Variants in DNAJC10 observed in about 807,000 individuals in gnomAD.
The protein encoded by DNAJC10 is DnaJ heat shock protein family (Hsp40) member C10, also known as endoplasmic reticulum disulfide reductase DNAJC10.
DNAJC10 carries 101 observed loss-of-function variants against 115.0 expected under a neutral mutation model. The ratio of observed to expected loss-of-function variants is 0.88; its 90% CI spans 0.75 to 1.04. The LOEUF is 1.04. DNAJC10 is among the 50% of genes least tolerant of loss of function. DNAJC10 has a pLI of 0.00. For missense variants in DNAJC10, 981 were observed against 928.8 expected (o/e 1.06, Z -0.73); for synonymous variants, 307 against 301.5 (o/e 1.02, Z -0.19).
At position 182,740,290 on chromosome 2, in the gene DNAJC10, T is replaced by C; in HGVS notation, c.988-9T>C. 4.3e-6 allele frequency: 6 copies of C among 1,398,510 alleles called. No individual in the cohort carries two copies. Among genetic ancestry groups the C allele is most frequent in the Non-Finnish European group, 5.8e-6 (6 of 1,036,538 alleles). 86.6% of individuals were successfully genotyped at this position (1,398,510 alleles called of 1,614,324 possible). A position where few individuals can be genotyped will look rare whatever the true frequency, so the allele number is the denominator to read the frequency against. On this transcript the variant is annotated splice_polypyrimidine_tract_variant and intron_variant, in intron 11 of 23. Transcript: ENST00000264065. The stretch of plus-strand genomic sequence containing the variant: ...TCAAAAAGATTACAATGTGATTTTC[T>C]TTTTCTAGTTTCTCAACTCATTGGA...
rs923553314 is a variant in DNAJC10, at chr2:182,732,878, A to C, written c.849+336A>C. 1.8e-5 allele frequency: 5 copies of C among 270,672 alleles called. No individual in the cohort carries two copies. The South Asian group carries it at 2.9e-4, about 16-fold the overall frequency. The allele number at this position is 270,672 out of a possible 1,614,324, so 16.8% of individuals were successfully genotyped here. A position where few individuals can be genotyped will look rare whatever the true frequency, so the allele number is the denominator to read the frequency against. ...TTTTTAGTCATTTTTAAATGTATAT[A>C]GCTCTCATGTTATGGCTGGGAAGTA... On this transcript the variant is annotated intron_variant, in intron 10 of 23. Coordinates refer to ENST00000264065, the MANE Select transcript of DNAJC10 (RefSeq NM_018981.4).
At chr2:182,738,298 A>G (rs1181308754) in intron 11 of DNAJC10, among the ~76,000 whole-genome samples, 2 of 152,180 alleles carry the variant, frequency 1.3e-5, no homozygotes, top group African/African-American at 4.8e-5. Context: ...TGGTATTGCC[A>G]GATTGCCCTC....
chr2:182,751,927 A>G (rs1694031376), intron 15 of DNAJC10, 142 bp downstream of exon 15: 1 of 1,206,900 alleles, frequency 8.3e-7, no homozygotes, highest in East Asian at 2.3e-5. Context: ...TTGCTTTTAA[A>G]TGAGTGCTAA....
intron 22 of DNAJC10, among the ~76,000 whole-genome samples, chr2:182,769,126 A>G (rs1383706834): frequency 6.6e-6 from 1 of 152,060 alleles, no homozygotes; most frequent in Non-Finnish European, 1.5e-5. Flanking sequence ...GTTTCCAGCT[A>G]CATTCATGTC....
chr2:182,750,110 G>A (rs1401236654), intron 14 of DNAJC10, among the ~76,000 whole-genome samples: 1 of 152,184 alleles, frequency 6.6e-6, no homozygotes, highest in African/African-American at 2.4e-5. Context: ...TGCAAAGTCA[G>A]TATTACTTGG....
intron 4 of DNAJC10, 72 bp downstream of exon 4, chr2:182,720,241 C>A: frequency 1.6e-6 from 2 of 1,271,034 alleles, no homozygotes; most frequent in Non-Finnish European, 2.2e-6. Flanking sequence ...TGTTTCACCA[C>A]TTAGCTTATA....
At chr2:182,716,700 C>A (rs1212449341) in intron 1 of DNAJC10, among the ~76,000 whole-genome samples, 1 of 152,246 alleles carries the variant, frequency 6.6e-6, no homozygotes, top group Non-Finnish European at 1.5e-5. Flanking sequence ...CACTTTCTCC[C>A]TAAGTCCGAC....
rs1695104946 is a variant in DNAJC10, at chr2:182,794,317, T to C, written c.*17185T>C. Reference sequence around the variant, plus strand: ...ATAGATGAAGGATAGAAATAATCCATTCAGATTCTCTCCTTTGCATGATGA... The same window carrying C: ...ATAGATGAAGGATAGAAATAATCCACTCAGATTCTCTCCTTTGCATGATGA... On this transcript the variant is annotated 3_prime_UTR_variant, in exon 24 of 24. Coordinates refer to ENST00000264065, the MANE Select transcript of DNAJC10 (RefSeq NM_018981.4). 6.6e-6 allele frequency: 1 copy of C among 152,190 alleles called. No homozygotes were observed. The highest frequency in any genetic ancestry group is 2.1e-4 in the South Asian group (1 of 4,824). 9.4% of individuals were successfully genotyped at this position (152,190 alleles called of 1,614,324 possible). A position where few individuals can be genotyped will look rare whatever the true frequency, so the allele number is the denominator to read the frequency against.
rs901284654 is a variant in DNAJC10 at position 182,755,642 on chromosome 2, T to C, written c.1653+538T>C. The stretch of plus-strand genomic sequence containing the variant: ...CTCTTCATCAGTATTACCTGACTGT[T>C]GTAGGCTGAAGCTTTGTTAAAATAT... On this transcript the variant is annotated intron_variant, in intron 17 of 23. Coordinates refer to ENST00000264065, the MANE Select transcript of DNAJC10 (RefSeq NM_018981.4). 4.9e-4 allele frequency among the ~76,000 whole-genome samples: 75 copies of C among 152,230 alleles called. 2 individuals are homozygous for C. Among genetic ancestry groups the C allele is most frequent in the Admixed American group, 4.8e-3 (74 of 15,274 alleles).
rs541114652 is a variant in DNAJC10 at position 182,778,223 on chromosome 2, T to C, written c.*1091T>C. 6.6e-6 allele frequency: 1 copy of C among 152,322 alleles called. No individual in the cohort carries two copies. Among genetic ancestry groups the C allele is most frequent in the Non-Finnish European group, 1.5e-5 (1 of 68,020 alleles). The allele number at this position is 152,322 out of a possible 1,614,324, so 9.4% of individuals were successfully genotyped here. On this transcript the variant is annotated 3_prime_UTR_variant, in exon 24 of 24. Transcript: ENST00000264065. ...GGAAAAATTACTTTACAGGTTGTTT[T>C]ACTGTAGCTTATAATGATACTGTAG...
chr2:182,767,317 G>A, intron 22 of DNAJC10, among the ~76,000 whole-genome samples: 1 of 152,206 alleles, frequency 6.6e-6, no homozygotes. Context: ...CCGTGATCAG[G>A]AAACCAAGGG....
intron 22 of DNAJC10, among the ~76,000 whole-genome samples, chr2:182,771,828 G>A (rs1166097516): frequency 2.0e-5 from 3 of 151,922 alleles, no homozygotes; most frequent in Admixed American, 6.6e-5. Context: ...TTTCAGTTCT[G>A]CTCTGATCTT....
intron 11 of DNAJC10, chr2:182,739,453 T>C (rs936533952): frequency 2.2e-6 from 2 of 926,800 alleles, no homozygotes; most frequent in Non-Finnish European, 2.7e-6. Context: ...ACATAGATGG[T>C]TCATAATTAA....
chr2:182,718,408 T>C (rs1281581887), intron 3 of DNAJC10, 118 bp downstream of exon 3: 26 of 832,468 alleles, frequency 3.1e-5, no homozygotes, highest in Non-Finnish European at 4.6e-5. Flanking sequence ...AAATTATAAT[T>C]CAACTTGTAT....
chr2:182,738,102 A>T (rs545141353), intron 11 of DNAJC10, among the ~76,000 whole-genome samples: 1 of 152,292 alleles, frequency 6.6e-6, no homozygotes, highest in South Asian at 2.1e-4. Flanking sequence ...GTAATTAATG[A>T]TCCCTGGATG....
rs138457401 is a variant in DNAJC10 at position 182,768,488 on chromosome 2, G to A, written c.2265+5687G>A. ...AATTGAAAGACAAGGGTAGCATTCA[G>A]CCATTGAGGCCAGACAGGAAGGCCA... is the stretch of plus-strand genomic sequence containing the variant. On this transcript the variant is annotated intron_variant, in intron 22 of 23. Transcript: ENST00000264065. Among the ~76,000 whole-genome samples, 235 of 152,280 alleles carry A rather than the reference G, an allele frequency of 1.5e-3. 1 individual carries two copies. The highest frequency in any genetic ancestry group is 3.4e-3 in the Middle Eastern group (1 of 294).
intron 13 of DNAJC10, among the ~76,000 whole-genome samples, chr2:182,743,374 A>G (rs1318803246): frequency 6.6e-6 from 1 of 152,124 alleles, no homozygotes; most frequent in Non-Finnish European, 1.5e-5. Context: ...TTTCTTGGGA[A>G]TTCCTCAGGT....
chr2:182,767,177 G>A (rs1051551628), intron 22 of DNAJC10, among the ~76,000 whole-genome samples: 1 of 152,076 alleles, frequency 6.6e-6, no homozygotes, highest in African/African-American at 2.4e-5. Context: ...GATCTGGTGG[G>A]TAAAGAGGAT....
At chr2:182,752,043 G>T in intron 15 of DNAJC10, 29 bp from the exon 16 acceptor site, 1 of 1,538,806 alleles carries the variant, frequency 6.5e-7, no homozygotes, top group Non-Finnish European at 9.0e-7. Flanking sequence ...CATTTGGCTC[G>T]GTGCTTATGA....
Sources: gnomAD v4.1 joint callset for allele counts (sites outside exome capture counted in the v4.1 genomes callset) on GRCh38, gnomAD v4.1.1 for gene constraint, MANE v1.5 for transcripts, NCBI Gene and HGNC (gene_info 2026-07-23, HGNC 2026-07-21) for gene names.